The following SGCZ variants were observed in gnomAD, a reference collection of about 807,000 sequenced individuals.
The protein encoded by SGCZ is sarcoglycan zeta, also known as zeta-sarcoglycan.
A neutral mutation model predicts 41.3 loss-of-function variants in SGCZ; 40 were observed. The ratio of observed to expected loss-of-function variants is 0.97; its 90% confidence interval spans 0.75 to 1.26. The LOEUF (loss-of-function observed/expected upper bound fraction) is 1.26, where lower values mean the gene tolerates loss of function less well. Among genes scored for constraint, SGCZ ranks in the 50% most tolerant of loss-of-function variants. The probability of loss-of-function intolerance (pLI) is 0.00; values close to 1 mark genes in which losing one functional copy is unlikely to be tolerated. For missense variants in SGCZ, 552 were observed against 369.8 expected (o/e 1.49, Z -4.04); for synonymous variants, 206 against 137.5 (o/e 1.50, Z -3.49).
chr8:14,914,176 T>C (rs533560403), intron 1 of SGCZ, among the ~76,000 whole-genome samples: 1 of 151,870 alleles, frequency 6.6e-6, no homozygotes, highest in South Asian at 2.1e-4. Flanking sequence ...TATATCTCTA[T>C]ATATAAAATA....
intron 1 of SGCZ, among the ~76,000 whole-genome samples, chr8:14,908,302 AG>A (rs1799178251): frequency 6.6e-6 from 1 of 152,208 alleles, no homozygotes; most frequent in South Asian, 2.1e-4. Flanking sequence ...TTTGAAAATG[AG>A]GGGAAAAAGT....
chr8:14,769,001 T>C (rs149953285), intron 1 of SGCZ, among the ~76,000 whole-genome samples: 52 of 152,050 alleles, frequency 3.4e-4, no homozygotes, highest in Non-Finnish European at 5.6e-4. Flanking sequence ...GGCTGAAATG[T>C]TTAAGATGGT....
intron 2 of SGCZ, among the ~76,000 whole-genome samples, chr8:14,334,895 C>T (rs572900474): frequency 6.6e-6 from 1 of 152,060 alleles, no homozygotes; most frequent in African/African-American, 2.4e-5. Flanking sequence ...TTGTGTGTGC[C>T]TGTGTGTATT....
chr8:14,158,227 G>T (rs979691143), intron 5 of SGCZ, among the ~76,000 whole-genome samples: 12 of 151,876 alleles, frequency 7.9e-5, no homozygotes, highest in African/African-American at 2.9e-4. Flanking sequence ...AACCTCTTTT[G>T]TCCTGCCAAA....
At chr8:14,481,354 G>T (rs1441943447) in intron 2 of SGCZ, among the ~76,000 whole-genome samples, 1 of 152,082 alleles carries the variant, frequency 6.6e-6, no homozygotes, top group African/African-American at 2.4e-5. Context: ...AATGAGATGG[G>T]GAGGGGTCAT....
At chr8:14,932,061 T>G (rs1380278224) in intron 1 of SGCZ, among the ~76,000 whole-genome samples, 2 of 151,908 alleles carry the variant, frequency 1.3e-5, no homozygotes, top group African/African-American at 4.8e-5. Flanking sequence ...ATAATTGAAA[T>G]TACAACATCA....
chr8:14,528,584 T>G (rs1803023911), intron 2 of SGCZ, among the ~76,000 whole-genome samples: 1 of 152,028 alleles, frequency 6.6e-6, no homozygotes, highest in Admixed American at 6.6e-5. Context: ...AAAATAGACT[T>G]TCTCTGTGGT....
At chr8:14,906,446 T>C (rs546334932) in intron 1 of SGCZ, among the ~76,000 whole-genome samples, 66 of 152,188 alleles carry the variant, frequency 4.3e-4, no homozygotes, top group Non-Finnish European at 8.2e-4. Context: ...CTCTGGAAAA[T>C]TCTCAACTTC....
At chr8:14,983,494 C>T (rs1296268595) in intron 1 of SGCZ, among the ~76,000 whole-genome samples, 3 of 152,050 alleles carry the variant, frequency 2.0e-5, no homozygotes, top group Admixed American at 2.0e-4. Context: ...GTCCTCCCAC[C>T]TCAGCCTCCA....
rs188603399 is a variant in SGCZ at position 15,115,803 on chromosome 8, A to C, written c.39+121782T>G. Among the ~76,000 whole-genome samples the C allele has an allele frequency of 2.0e-4, 30 of 152,390 alleles. No homozygotes were observed. In the South Asian group the frequency reaches 2.3e-3, roughly 12 times the overall value. Reference sequence around the variant, plus strand: ...GTACAATGTGTAAGAAGGTTTATTCAACAATAAACAACTTTTTCTGCTGTA... The same window carrying C: ...GTACAATGTGTAAGAAGGTTTATTCCACAATAAACAACTTTTTCTGCTGTA... On this transcript the variant is annotated intron_variant, in intron 1 of 7. Coordinates refer to ENST00000382080, the MANE Select transcript of SGCZ (RefSeq NM_139167.4).
At chr8:15,216,046 G>C (rs2117171582) in intron 1 of SGCZ, among the ~76,000 whole-genome samples, 1 of 152,050 alleles carries the variant, frequency 6.6e-6, no homozygotes, top group African/African-American at 2.4e-5. Context: ...AGCTAATTCA[G>C]AAGAGCAGCA....
intron 4 of SGCZ, among the ~76,000 whole-genome samples, chr8:14,213,645 G>A (rs768598688): frequency 3.3e-5 from 5 of 151,816 alleles, no homozygotes; most frequent in African/African-American, 1.2e-4. Flanking sequence ...AATGGTAAAC[G>A]TAGAACAAAT....
chr8:14,634,319 C>T (rs1257481879), intron 1 of SGCZ, among the ~76,000 whole-genome samples: 2 of 151,620 alleles, frequency 1.3e-5, no homozygotes, highest in African/African-American at 2.4e-5. Context: ...AAATTTTTAT[C>T]CATTTTAAAG....
intron 3 of SGCZ, among the ~76,000 whole-genome samples, chr8:14,261,558 A>G (rs997003792): frequency 1.3e-5 from 2 of 152,156 alleles, no homozygotes; most frequent in African/African-American, 2.4e-5. Flanking sequence ...ACAATGCAAA[A>G]CCAGTCTGTT....
intron 2 of SGCZ, among the ~76,000 whole-genome samples, chr8:14,535,153 C>G (rs1342548182): frequency 6.6e-6 from 1 of 151,884 alleles, no homozygotes; most frequent in South Asian, 2.1e-4. Context: ...CAGGGCTCAA[C>G]TGATATTATT....
chr8:14,500,923 T>A (rs1311707036), intron 2 of SGCZ, among the ~76,000 whole-genome samples: 1 of 152,046 alleles, frequency 6.6e-6, no homozygotes, highest in Non-Finnish European at 1.5e-5. Flanking sequence ...CCATGAATAA[T>A]TATACACCTG....
At chr8:14,549,614 T>TAA (rs1803738842) in intron 2 of SGCZ, among the ~76,000 whole-genome samples, 1 of 152,098 alleles carries the variant, frequency 6.6e-6, no homozygotes, top group Non-Finnish European at 1.5e-5. Flanking sequence ...TTAGGGAATT[T>TAA]ACACTTCAAA....
intron 1 of SGCZ, among the ~76,000 whole-genome samples, chr8:15,108,932 T>C (rs894971668): frequency 6.6e-6 from 1 of 152,170 alleles, no homozygotes; most frequent in Non-Finnish European, 1.5e-5. Context: ...GAAAGAATCA[T>C]AAATGATTAC....
rs560938037 is a variant in SGCZ at position 14,980,291 on chromosome 8, G to A, written c.39+257294C>T. Among the ~76,000 whole-genome samples, 5 of 152,284 alleles carry A rather than the reference G, an allele frequency of 3.3e-5. No homozygotes were observed. The South Asian group carries it at 1.0e-3, about 32-fold the overall frequency. On this transcript the variant is annotated intron_variant, in intron 1 of 7. Transcript: ENST00000382080. ...TCACGAAGAACAGAGACGGTCCAGA[G>A]GAAGGCAGAGTAACAAGTAAGAAGG...
Sources: allele counts gnomAD v4.1 joint callset (sites outside exome capture counted in the v4.1 genomes callset), GRCh38; gene constraint gnomAD v4.1.1; transcripts MANE v1.5; gene names NCBI Gene and HGNC (gene_info 2026-07-23, HGNC 2026-07-21).